PLXNA4: variants seen among roughly 807,000 people sequenced by gnomAD.
PLXNA4 encodes the protein plexin A4.
PLXNA4 carries 44 observed loss-of-function variants against 191.8 expected under a neutral mutation model. The ratio of observed to expected loss-of-function variants is 0.23; its 90% CI spans 0.18 to 0.29. PLXNA4 has a LOEUF of 0.29. PLXNA4 is among the 10% of genes least tolerant of loss of function. The pLI, the probability that PLXNA4 is intolerant of heterozygous loss-of-function variation, is 1.00. For missense variants in PLXNA4, 1,800 were observed against 2,488.8 expected, an observed-to-expected ratio of 0.72 and a Z score of 5.89; for synonymous variants, 1,082 against 1,009.5, an observed-to-expected ratio of 1.07 and a Z score of -1.36.
At chr7:132,377,009 C>T (rs1804684041) in intron 3 of PLXNA4, among the ~76,000 whole-genome samples, 1 of 152,226 alleles carries the variant, frequency 6.6e-6, no homozygotes, top group Non-Finnish European at 1.5e-5. Flanking sequence ...CCAGCAAAAA[C>T]TCCTTTCCCA....
At chr7:132,563,166 CTTCTCCTCCTCCT>C in intron 1 of PLXNA4, among the ~76,000 whole-genome samples, 1 of 87,440 alleles carries the variant, frequency 1.1e-5, no homozygotes, top group African/African-American at 3.9e-5. Context: ...CCTCCTCCTC[CTTCTCCTCCTCCT>C]TCTCCTTCCT....
intron 2 of PLXNA4, among the ~76,000 whole-genome samples, chr7:132,637,475 A>G (rs1803631538): frequency 1.3e-5 from 2 of 152,180 alleles, no homozygotes; most frequent in Admixed American, 1.3e-4. Context: ...AGGCCACACG[A>G]CGTTCTCAGT....
chr7:132,176,275 GAC>G (rs1292032366), intron 20 of PLXNA4, among the ~76,000 whole-genome samples: 4 of 152,230 alleles, frequency 2.6e-5, no homozygotes, highest in African/African-American at 9.6e-5. Flanking sequence ...TGGCCACACA[GAC>G]ACAGGGGTTC....
Position 132,524,724 on chromosome 7 carries a change from C to G in PLXNA4, c.-86-15945G>C, listed in dbSNP as rs960516118. On this transcript the variant is annotated intron_variant, in intron 1 of 31. Coordinates refer to ENST00000321063, the MANE Select transcript of PLXNA4 (RefSeq NM_020911.2). Reference sequence around the variant, plus strand: ...CTGAGTAGCTCGGTGCCCATCACCACGCCCAGCTAATTTTTTATATTTTTA... The same window carrying G: ...CTGAGTAGCTCGGTGCCCATCACCAGGCCCAGCTAATTTTTTATATTTTTA... 5.3e-5 allele frequency among the ~76,000 whole-genome samples: 8 copies of G among 152,080 alleles called. No homozygotes were observed. The East Asian group carries it at 1.5e-3, about 29-fold the overall frequency.
intron 3 of PLXNA4, among the ~76,000 whole-genome samples, chr7:132,359,252 T>C (rs908997271): frequency 2.0e-5 from 3 of 149,794 alleles, no homozygotes; most frequent in African/African-American, 7.4e-5. Flanking sequence ...GACAGAGTCT[T>C]GCTTTGTCAC....
intron 3 of PLXNA4, among the ~76,000 whole-genome samples, chr7:132,322,337 A>G (rs186808052): frequency 9.9e-5 from 15 of 152,014 alleles, no homozygotes; most frequent in Non-Finnish European, 1.8e-4. Context: ...ATGTGCCACC[A>G]TGTCTGGCTA....
At chr7:132,538,308 A>G (rs1050875881) in intron 1 of PLXNA4, among the ~76,000 whole-genome samples, 2 of 152,250 alleles carry the variant, frequency 1.3e-5, no homozygotes, top group South Asian at 2.1e-4. Flanking sequence ...TTATATGATC[A>G]GCACAAATGC....
At chr7:132,223,466 C>T in intron 9 of PLXNA4, 61 bp downstream of exon 9, 1 of 1,411,816 alleles carries the variant, frequency 7.1e-7, no homozygotes, top group Non-Finnish European at 9.9e-7. Flanking sequence ...GGGAATGCCT[C>T]TCTTCTGTGT....
Position 132,563,369 on chromosome 7 carries a change from C to A in PLXNA4, c.-87+13053G>T, listed in dbSNP as rs1166163832. Among the ~76,000 whole-genome samples, 4 of 110,252 alleles carry A rather than the reference C, an allele frequency of 3.6e-5. No individual in the cohort carries two copies. In the East Asian group the frequency reaches 1.2e-3, roughly 34 times the overall value. 72.3% of individuals were successfully genotyped at this position (110,252 alleles called of 152,430 possible). On this transcript the variant is annotated intron_variant, in intron 1 of 31. Coordinates refer to ENST00000321063, the MANE Select transcript of PLXNA4 (RefSeq NM_020911.2). The stretch of plus-strand genomic sequence containing the variant: ...CCTCTTTCTCCTCCTTCTCCTCCTC[C>A]TCCTCCTTCTCCTCCTCCTCCTCTT...
chr7:132,367,146 C>T (rs960961222), intron 3 of PLXNA4, among the ~76,000 whole-genome samples: 4 of 152,184 alleles, frequency 2.6e-5, no homozygotes, highest in African/African-American at 9.7e-5. Context: ...AACATGGGCT[C>T]TACATGTGGA....
At chr7:132,613,127 A>G (rs1803085504) in intron 2 of PLXNA4, among the ~76,000 whole-genome samples, 1 of 152,192 alleles carries the variant, frequency 6.6e-6, no homozygotes. Flanking sequence ...CCTCTCACGC[A>G]CACAAAGGTT....
At chr7:132,547,183 G>C (rs1047789077) in intron 1 of PLXNA4, among the ~76,000 whole-genome samples, 2 of 152,074 alleles carry the variant, frequency 1.3e-5, no homozygotes, top group Non-Finnish European at 2.9e-5. Flanking sequence ...TGCTTGCTCT[G>C]GGCCCAGTAC....
At chr7:132,370,912 T>C (rs1250454617) in intron 3 of PLXNA4, among the ~76,000 whole-genome samples, 1 of 152,218 alleles carries the variant, frequency 6.6e-6, no homozygotes, top group African/African-American at 2.4e-5. Flanking sequence ...AGGATGCACG[T>C]ATGCCTATGG....
intron 3 of PLXNA4, among the ~76,000 whole-genome samples, chr7:132,400,937 G>A (rs1200574375): frequency 6.6e-6 from 1 of 152,180 alleles, no homozygotes; most frequent in Non-Finnish European, 1.5e-5. Flanking sequence ...ACATTGTTTG[G>A]TCTATTTTCA....
At chr7:132,351,416 T>C (rs949628256) in intron 3 of PLXNA4, among the ~76,000 whole-genome samples, 1 of 152,210 alleles carries the variant, frequency 6.6e-6, no homozygotes, top group African/African-American at 2.4e-5. Flanking sequence ...CAAAGTTCCA[T>C]AAAGCGGATT....
intron 3 of PLXNA4, among the ~76,000 whole-genome samples, chr7:132,448,525 G>A (rs1795993860): frequency 1.3e-5 from 2 of 152,150 alleles, no homozygotes; most frequent in African/African-American, 4.8e-5. Flanking sequence ...AGAAAGGGTG[G>A]GGTGAGGAGG....
chr7:132,237,374 A>T lies in PLXNA4; in HGVS notation c.1604+3692T>A, dbSNP rs144934898. Among the ~76,000 whole-genome samples, 35 of 152,250 alleles carry T rather than the reference A, an allele frequency of 2.3e-4. No homozygotes were observed. In the East Asian group the frequency reaches 6.6e-3, roughly 29 times the overall value. Reference sequence around the variant, plus strand: ...TATCAAGGATGTATTCGAGTTTAAGAGGGTATTTTTAGCTTTTAGAGGCAC... The same window carrying T: ...TATCAAGGATGTATTCGAGTTTAAGTGGGTATTTTTAGCTTTTAGAGGCAC... On this transcript the variant is annotated intron_variant, in intron 5 of 31. Coordinates refer to ENST00000321063, the MANE Select transcript of PLXNA4 (RefSeq NM_020911.2).
At chr7:132,131,315 G>A (rs897016506) in intron 31 of PLXNA4, among the ~76,000 whole-genome samples, 18 of 152,126 alleles carry the variant, frequency 1.2e-4, no homozygotes, top group African/African-American at 3.9e-4. Context: ...TTGGTGATCT[G>A]AGGCCAAACA....
intron 3 of PLXNA4, among the ~76,000 whole-genome samples, chr7:132,298,981 G>T (rs1370977513): frequency 2.0e-5 from 3 of 152,234 alleles, no homozygotes; most frequent in Non-Finnish European, 4.4e-5. Flanking sequence ...CTGCCCACAT[G>T]CCCCATGAAT....
Sources: gnomAD v4.1 joint callset for allele counts (sites outside exome capture counted in the v4.1 genomes callset) on GRCh38, gnomAD v4.1.1 for gene constraint, MANE v1.5 for transcripts, NCBI Gene and HGNC (gene_info 2026-07-23, HGNC 2026-07-21) for gene names.